Variants in IL18BP observed in about 807,000 individuals in gnomAD.
The protein encoded by IL18BP is interleukin 18 binding protein, also known as interleukin-18-binding protein.
IL18BP carries 23 observed loss-of-function variants against 19.9 expected under a neutral mutation model. That is an observed-to-expected ratio of 1.15 (90% CI 0.83 to 1.64). The LOEUF is 1.64. Ranked by LOEUF, IL18BP falls within the 40% of genes most tolerant of loss-of-function variation. IL18BP has a pLI of 0.00. For missense variants in IL18BP, 239 were observed against 240.7 expected (o/e 0.99, Z 0.05); for synonymous variants, 107 against 101.0 (o/e 1.06, Z -0.35).
In IL18BP at chr11:72,000,055, G is replaced by T. The variant is rs368158639; in HGVS notation, c.28+43G>T. ...GCATGGGCAGGCGGGGTAGGGTGAG[G>T]TCTATGAACAGAATGGAGCAATGGG... is the stretch of plus-strand genomic sequence containing the variant. On this transcript the variant is annotated intron_variant, in intron 2 of 5. Transcript: ENST00000393703. 11 of 1,608,854 alleles carry T rather than the reference G, an allele frequency of 6.8e-6. No individual in the cohort carries two copies. The African/African-American group carries it at 1.2e-4, about 18-fold the overall frequency.
At chr11:72,004,411 T>A, downstream of IL18BP, 6 of 1,405,322 alleles carry the variant, frequency 4.3e-6, no homozygotes, top group Non-Finnish European at 6.0e-6. Context: ...TGTCTTGTCC[T>A]CTCAGAGCTG....
downstream of IL18BP, chr11:72,006,175 G>A: frequency 6.2e-7 from 1 of 1,614,180 alleles, no homozygotes; most frequent in Admixed American, 1.7e-5. Context: ...AGTAGAGGAG[G>A]TGGCTCGCAG....
At chr11:72,003,838 G>A (rs1297172214), downstream of IL18BP, 16 of 1,583,648 alleles carry the variant, frequency 1.0e-5, no homozygotes, top group East Asian at 2.2e-5. Context: ...TCTGGGGGGT[G>A]CCCATGCTCT....
chr11:72,000,578 G>A (rs752435729), intron 3 of IL18BP, 21 bp downstream of exon 3: 4 of 1,600,428 alleles, frequency 2.5e-6, no homozygotes, highest in East Asian at 4.5e-5. Context: ...CAGTGGTGGA[G>A]GGTGGGCTAT....
chr11:72,007,465 T>C, downstream of IL18BP: 1 of 1,610,234 alleles, frequency 6.2e-7, no homozygotes, highest in East Asian at 2.2e-5. Flanking sequence ...TGAGGTACAG[T>C]CCTTCACGCT....
rs1329066600 is a variant in IL18BP at position 72,000,704 on chromosome 11, T to G, written c.235+147T>G. 7.4e-6 allele frequency: 5 copies of G among 674,450 alleles called. 1 individual carries two copies. In the Admixed American group the frequency reaches 1.2e-4, roughly 16 times the overall value. 41.8% of individuals were successfully genotyped at this position (674,450 alleles called of 1,614,324 possible). A position where few individuals can be genotyped will look rare whatever the true frequency, so the allele number is the denominator to read the frequency against. ...GCACCATTCTCCCTCCCCAACCCAG[T>G]GTCATGGGTGCAGGCTTGGCGCAGC... On this transcript the variant is annotated intron_variant, in intron 3 of 5. Coordinates refer to ENST00000393703, the MANE Select transcript of IL18BP (RefSeq NM_001039660.2).
At chr11:72,005,530 CTA>C (rs541692944), downstream of IL18BP, 1,329 of 632,214 alleles carry the variant, frequency 2.1e-3, 11 homozygotes, top group South Asian at 0.011. Flanking sequence ...GGCACACAGA[CTA>C]TTTCTATCCT....
At chr11:72,004,679 C>T, downstream of IL18BP, 1 of 1,613,448 alleles carries the variant, frequency 6.2e-7, no homozygotes, top group Non-Finnish European at 8.5e-7. Flanking sequence ...CTAGGGAGAC[C>T]CGTTTGCGCT....
chr11:71,999,243 TC>T (rs1416921085), intron 1 of IL18BP: 3 of 455,690 alleles, frequency 6.6e-6, no homozygotes, highest in African/African-American at 6.0e-5. Context: ...AGGAAAGTTG[TC>T]CCCTTGAATG....
chr11:72,000,054 G>A lies in IL18BP; in HGVS notation c.28+42G>A, dbSNP rs774156491. ...CGCATGGGCAGGCGGGGTAGGGTGAGGTCTATGAACAGAATGGAGCAATGG... is the reference window on the plus strand; with the variant it reads ...CGCATGGGCAGGCGGGGTAGGGTGAAGTCTATGAACAGAATGGAGCAATGG... On this transcript the variant is annotated intron_variant, in intron 2 of 5. Coordinates refer to ENST00000393703, the MANE Select transcript of IL18BP (RefSeq NM_001039660.2). 8 of 1,610,292 alleles carry A rather than the reference G, an allele frequency of 5.0e-6. No homozygotes were observed. The African/African-American group carries it at 1.1e-4, about 21-fold the overall frequency.
chr11:72,001,345 G>T (rs554253195), intron 4 of IL18BP, 21 bp downstream of exon 4: 1 of 1,614,254 alleles, frequency 6.2e-7, no homozygotes, highest in African/African-American at 1.3e-5. Context: ...CAGCAGCCAG[G>T]TGGGTGGGAA....
downstream of IL18BP, chr11:72,004,366 A>G: frequency 1.9e-6 from 3 of 1,594,434 alleles, no homozygotes; most frequent in East Asian, 2.2e-5. Context: ...ACAGTTAGGC[A>G]GACAGTAGCA....
intron 5 of IL18BP, 85 bp from the exon 6 acceptor site, chr11:72,001,699 G>A: frequency 6.8e-6 from 11 of 1,612,310 alleles, no homozygotes; most frequent in Non-Finnish European, 8.5e-6. Flanking sequence ...CTTAGGTCTT[G>A]GGCAGAGGAG....
downstream of IL18BP, chr11:72,006,389 CT>C: frequency 1.3e-6 from 1 of 754,146 alleles, no homozygotes; most frequent in South Asian, 1.9e-5. Flanking sequence ...TGCAAAGGTC[CT>C]TAAAGTGTGT....
intron 3 of IL18BP, among the ~76,000 whole-genome samples, chr11:72,000,929 C>A (rs1230448835): frequency 1.3e-5 from 2 of 152,220 alleles, no homozygotes; most frequent in Non-Finnish European, 2.9e-5. Flanking sequence ...CGAGGCTGGG[C>A]ACTAGAAAAG....
Position 72,001,807 on chromosome 11 carries a change from C to G in IL18BP, c.531C>G (p.Pro177=). ...QLWAGLRATL[P]PTQEALPSSH... is the part of the protein sequence containing the mutation. ...AGGCTGGGCTGAGGGCAACCTTGCC[C>G]CCCACCCAAGAAGCCCTGCCCTCCA... Residue 177 remains proline (P), a synonymous_variant, in exon 6 of 6, where the codon CCC becomes CCG. Coordinates refer to ENST00000393703, the MANE Select transcript of IL18BP (RefSeq NM_001039660.2). The G allele has an allele frequency of 6.2e-7, 1 of 1,614,104 alleles. No homozygotes were observed. The highest frequency in any genetic ancestry group is 8.5e-7 in the Non-Finnish European group (1 of 1,179,986).
At chr11:72,000,145 C>T in intron 2 of IL18BP, 133 bp downstream of exon 2, 1 of 1,003,496 alleles carries the variant, frequency 1.0e-6, no homozygotes, top group Non-Finnish European at 1.5e-6. Context: ...CTTTAAGAAC[C>T]TGGGCAGATA....
rs1565172070 is a variant in IL18BP at position 72,000,633 on chromosome 11, C to T, written c.235+76C>T. On this transcript the variant is annotated intron_variant, in intron 3 of 5. Transcript: ENST00000393703. Reference sequence around the variant, plus strand: ...GTCGGGTTGACTCCTGAGCGCCAGTCCCCTTCTGCCCATGTACCACCAGCT... The same window carrying T: ...GTCGGGTTGACTCCTGAGCGCCAGTTCCCTTCTGCCCATGTACCACCAGCT... 2.4e-6 allele frequency: 3 copies of T among 1,224,640 alleles called. No homozygotes were observed. In the East Asian group the frequency reaches 7.3e-5, roughly 30 times the overall value. The allele number at this position is 1,224,640 out of a possible 1,614,324, so 75.9% of individuals were successfully genotyped here.
downstream of IL18BP, chr11:72,004,493 A>T: frequency 8.3e-7 from 1 of 1,210,848 alleles, no homozygotes. Context: ...CCTTCCCAAC[A>T]GTTCCCATCC....
Sources: gnomAD v4.1 joint callset for allele counts (sites outside exome capture counted in the v4.1 genomes callset) on GRCh38, gnomAD v4.1.1 for gene constraint, MANE v1.5 for transcripts, NCBI Gene and HGNC (gene_info 2026-07-23, HGNC 2026-07-21) for gene names.